CCR6: variants seen among roughly 807,000 people sequenced by gnomAD.
The protein encoded by CCR6 is C-C motif chemokine receptor 6, also known as C-C chemokine receptor type 6.
A neutral mutation model predicts 3.0 loss-of-function variants in CCR6; 2 were observed. The observed-to-expected ratio is 0.66, with a 90% CI of 0.27 to 2.07. The LOEUF (loss-of-function observed/expected upper bound fraction) is 2.07, where lower values mean the gene tolerates loss of function less well. CCR6 is among the 30% of genes most tolerant of loss of function. CCR6 has a pLI of 0.14. For missense variants in CCR6, 322 were observed against 462.8 expected, an observed-to-expected ratio of 0.70 and a Z score of 2.79; for synonymous variants, 193 against 184.3, an observed-to-expected ratio of 1.05 and a Z score of -0.38.
At chr6:167,124,012 T>G (rs1367322915) in intron 1 of CCR6, among the ~76,000 whole-genome samples, 1 of 152,092 alleles carries the variant, frequency 6.6e-6, no homozygotes, top group African/African-American at 2.4e-5. Context: ...CTTGGGAGGC[T>G]GAGGCAGGAG....
intron 1 of CCR6, among the ~76,000 whole-genome samples, chr6:167,114,058 G>A (rs1434623013): frequency 3.9e-5 from 6 of 152,244 alleles, no homozygotes; most frequent in Admixed American, 3.9e-4. Flanking sequence ...GACAGACACG[G>A]CTCTGGGCTC....
intron 1 of CCR6, among the ~76,000 whole-genome samples, chr6:167,133,624 C>A (rs1376067552): frequency 6.7e-6 from 1 of 148,656 alleles, no homozygotes; most frequent in Non-Finnish European, 1.5e-5. Flanking sequence ...ATTGACTTGT[C>A]AATTTCTCAA....
rs1781752150 is a variant in CCR6, at chr6:167,130,992, C to CTCCCTCCGGGACT, written c.-97-5046_-97-5045insTCCCTCCGGGACT. ...TCTGGGACCACCCTCCCTCTGGACC[C>CTCCCTCCGGGACT]CCTCCCTTTGGGACCCCTCCTTCTG... On this transcript the variant is annotated intron_variant, in intron 1 of 2. Coordinates refer to ENST00000341935, the MANE Select transcript of CCR6 (RefSeq NM_031409.4). 6.8e-5 allele frequency among the ~76,000 whole-genome samples: 8 copies of CTCCCTCCGGGACT among 118,302 alleles called. No individual in the cohort carries two copies. In the East Asian group the frequency reaches 1.4e-3, roughly 21 times the overall value. The allele number at this position is 118,302 out of a possible 152,430, so 77.6% of individuals were successfully genotyped here.
upstream of CCR6, among the ~76,000 whole-genome samples, chr6:167,119,714 T>C (rs79568683): frequency 0.021 from 3,139 of 152,350 alleles, 94 homozygotes; most frequent in African/African-American, 0.071. Flanking sequence ...AATGTGTTTT[T>C]GTCCCTACTA....
At chr6:167,120,480 T>C (rs1012465922), upstream of CCR6, among the ~76,000 whole-genome samples, 2 of 152,136 alleles carry the variant, frequency 1.3e-5, no homozygotes, top group South Asian at 2.1e-4. Context: ...TGGCCTCCAG[T>C]GTGTGCAGAG....
chr6:167,124,864 C>G (rs1044936980), intron 1 of CCR6, among the ~76,000 whole-genome samples: 1 of 151,842 alleles, frequency 6.6e-6, no homozygotes, highest in African/African-American at 2.4e-5. Context: ...TACACACACA[C>G]AGTTATACAC....
chr6:167,119,970 A>G (rs1781561353), upstream of CCR6, among the ~76,000 whole-genome samples: 2 of 152,244 alleles, frequency 1.3e-5, no homozygotes, highest in Admixed American at 1.3e-4. Context: ...GTAAAAACCA[A>G]CAAATGACGC....
intron 1 of CCR6, among the ~76,000 whole-genome samples, chr6:167,112,311 C>G (rs76691437): frequency 0.019 from 2,826 of 152,096 alleles, 76 homozygotes; most frequent in East Asian, 0.087. Flanking sequence ...AGAGTTAGGG[C>G]GGTAAAGTCA....
At chr6:167,116,929 G>A (rs188661136) in intron 1 of CCR6, 25 of 152,412 alleles carry the variant, frequency 1.6e-4, no homozygotes, top group African/African-American at 6.0e-4. Flanking sequence ...AACAGGAAGA[G>A]CCAGGAAGAT....
rs1035255995 is a variant in CCR6 at position 167,139,000 on chromosome 6, G to A, written c.*1645G>A. On this transcript the variant is annotated 3_prime_UTR_variant, in exon 3 of 3. Transcript: ENST00000341935. ...CAACATGTTTAAACCTGACAATGGT[G>A]TTATTTGAAACTTTATATTGTTCTT... 6.6e-6 allele frequency: 1 copy of A among 151,402 alleles called. No individual in the cohort carries two copies. Among genetic ancestry groups the A allele is most frequent in the African/African-American group, 2.4e-5 (1 of 41,180 alleles). The allele number at this position is 151,402 out of a possible 1,614,324, so 9.4% of individuals were successfully genotyped here.
intron 1 of CCR6, chr6:167,114,988 A>G (rs1781471691): frequency 6.6e-6 from 1 of 152,278 alleles, no homozygotes; most frequent in Non-Finnish European, 1.5e-5. Flanking sequence ...AGACAAACAG[A>G]TGTTTTAGTA....
chr6:167,113,339 T>C (rs1781442876), intron 1 of CCR6, among the ~76,000 whole-genome samples: 1 of 152,094 alleles, frequency 6.6e-6, no homozygotes, highest in African/African-American at 2.4e-5. Flanking sequence ...AGCAGCACAT[T>C]CAGTGGGAAT....
upstream of CCR6, among the ~76,000 whole-genome samples, chr6:167,119,979 G>A (rs1331299): frequency 0.4 from 61,066 of 152,114 alleles, 13,548 homozygotes; most frequent in Admixed American, 0.52. Context: ...AACAAATGAC[G>A]CTTTTATTTT....
At position 167,130,454 on chromosome 6, in the gene CCR6, A is replaced by C. The variant is rs944647459; in HGVS notation, c.-97-5584A>C. Among the ~76,000 whole-genome samples, 81 of 152,010 alleles carry C rather than the reference A, an allele frequency of 5.3e-4. 2 individuals carry two copies. Among genetic ancestry groups the C allele is most frequent in the African/African-American group, 2.0e-3 (81 of 41,246 alleles). ...CCAAGGAGCTGGTGACTGCTGCCTG[A>C]GATCTGAGATGATAGAGCAAGTTGT... On this transcript the variant is annotated intron_variant, in intron 1 of 2. Coordinates refer to ENST00000341935, the MANE Select transcript of CCR6 (RefSeq NM_031409.4).
rs978570728 is a variant in CCR6, at chr6:167,117,564, G to C, written c.-98+5550G>C. On this transcript the variant is annotated intron_variant, in intron 1 of 2. Transcript: ENST00000400926. ...CCCGAGTAGCTGGGACTACAGGCGC[G>C]CGCCACCACGCCCGGCTAATTTTTG... Among the ~76,000 whole-genome samples, 134 of 151,404 alleles carry C rather than the reference G, an allele frequency of 8.9e-4. 1 individual carries two copies. The highest frequency in any genetic ancestry group is 4.4e-3 in the South Asian group (21 of 4,790).
exon 1 of CCR6, chr6:167,111,858 G>A (rs1781420778): frequency 6.6e-6 from 1 of 152,380 alleles, no homozygotes; most frequent in Admixed American, 6.5e-5. Context: ...AGCTGGGCTG[G>A]GAGCACAGGA....
In CCR6 at chr6:167,117,234, C is replaced by A. The variant is rs143952956; in HGVS notation, c.-98+5220C>A. ...TCCCTCCCTACCACCGTCCCCGTCC[C>A]CGCATCCCTCCCTACCACAGCCTCT... On this transcript the variant is annotated intron_variant, in intron 1 of 2. Coordinates refer to the CCR6 transcript ENST00000400926. 6.6e-3 allele frequency: 1,004 copies of A among 151,992 alleles called. 9 individuals carry two copies. Among genetic ancestry groups the A allele is most frequent in the Middle Eastern group, 0.014 (4 of 294 alleles). 9.4% of individuals were successfully genotyped at this position (151,992 alleles called of 1,614,324 possible). A position where few individuals can be genotyped will look rare whatever the true frequency, so the allele number is the denominator to read the frequency against.
rs1249433999 is a variant in CCR6, at chr6:167,136,272, C to T, written c.42C>T (p.Ser14=). Residue 14 remains serine (S), a synonymous_variant, in exon 3 of 3, where the codon TCC becomes TCT. Transcript: ENST00000341935. This position sits in a 1 kb window ranked among gnomAD's most constrained non-coding sequence, Gnocchi z 4.6. ...TGAATTTCAGCGATGTTTTCGACTCCAGTGAAGATTATTTTGTGTCAGTCA... is the reference window on the plus strand; with the variant it reads ...TGAATTTCAGCGATGTTTTCGACTCTAGTGAAGATTATTTTGTGTCAGTCA... ...ESMNFSDVFD[S]SEDYFVSVNT... is the part of the protein sequence containing the mutation. 1 of 1,608,430 alleles carries T rather than the reference C, an allele frequency of 6.2e-7. No individual in the cohort carries two copies. The highest frequency in any genetic ancestry group is 8.5e-7 in the Non-Finnish European group (1 of 1,176,966).
chr6:167,131,956 C>T (rs1781775579), intron 1 of CCR6, among the ~76,000 whole-genome samples: 1 of 152,170 alleles, frequency 6.6e-6, no homozygotes, highest in South Asian at 2.1e-4. Context: ...TTTCTGCCAC[C>T]ACAAAAGCCC....
Sources: allele counts gnomAD v4.1 joint callset (sites outside exome capture counted in the v4.1 genomes callset), GRCh38; gene constraint gnomAD v4.1.1; non-coding constraint Gnocchi (gnomAD v3.1); transcripts MANE v1.5; gene names NCBI Gene and HGNC (gene_info 2026-07-23, HGNC 2026-07-21).